The following CFAP44 variants were observed in gnomAD, a reference collection of about 807,000 sequenced individuals.
The protein encoded by CFAP44 is cilia and flagella associated protein 44, also known as cilia- and flagella-associated protein 44.
A neutral mutation model predicts 216.2 loss-of-function variants in CFAP44; 134 were observed. The observed-to-expected ratio is 0.62, with a 90% CI of 0.54 to 0.72. CFAP44 has a LOEUF of 0.72. Among genes scored for constraint, CFAP44 ranks in the 30% least tolerant of loss-of-function variants. The probability of loss-of-function intolerance (pLI) is 0.00; values close to 1 mark genes in which losing one functional copy is unlikely to be tolerated. For synonymous variants in CFAP44, 700 were observed against 727.6 expected (o/e 0.96, Z 0.61); for missense variants, 2,035 against 2,182.1 (o/e 0.93, Z 1.34).
intron 4 of CFAP44, among the ~76,000 whole-genome samples, chr3:113,425,827 T>G (rs1053331974): frequency 6.6e-6 from 1 of 152,212 alleles, no homozygotes; most frequent in African/African-American, 2.4e-5. Flanking sequence ...GAATTCAAGC[T>G]TCTTAGAATT....
intron 28 of CFAP44, among the ~76,000 whole-genome samples, chr3:113,319,833 G>C (rs1462271592): frequency 6.6e-6 from 1 of 151,722 alleles, no homozygotes; most frequent in Non-Finnish European, 1.5e-5. Context: ...GATTAACAAA[G>C]AAAAGAAAAT....
chr3:113,388,483 G>C (rs1576584851), intron 15 of CFAP44, among the ~76,000 whole-genome samples: 1 of 151,766 alleles, frequency 6.6e-6, no homozygotes, highest in East Asian at 1.9e-4. Flanking sequence ...AGAAGAAAGA[G>C]AAGACCACAA....
chr3:113,329,708 T>C (rs1005528759), intron 26 of CFAP44, among the ~76,000 whole-genome samples: 1 of 152,182 alleles, frequency 6.6e-6, no homozygotes, highest in Admixed American at 6.5e-5. Flanking sequence ...TCAAACCCAG[T>C]AATCACCATA....
At chr3:113,373,379 G>T in intron 18 of CFAP44, 32 bp downstream of exon 18, 4 of 1,492,732 alleles carry the variant, frequency 2.7e-6, no homozygotes, top group Non-Finnish European at 3.6e-6. Context: ...ACAGGATATG[G>T]TTTTTTTAAA....
Position 113,325,362 on chromosome 3 carries a change from T to C in CFAP44, c.4516+1083A>G, listed in dbSNP as rs560490585. 5.4e-4 allele frequency among the ~76,000 whole-genome samples: 82 copies of C among 151,722 alleles called. No homozygotes were observed. The Middle Eastern group carries it at 0.017, about 31-fold the overall frequency. ...GTGTAAATCTAACAAAACATGAACA[T>C]GAATTATATACTGAATACTAGTATA... is the stretch of plus-strand genomic sequence containing the variant. On this transcript the variant is annotated intron_variant, in intron 28 of 34. Transcript: ENST00000393845.
At chr3:113,414,408 T>G (rs1934583431) in intron 6 of CFAP44, among the ~76,000 whole-genome samples, 1 of 152,108 alleles carries the variant, frequency 6.6e-6, no homozygotes, top group Admixed American at 6.6e-5. Flanking sequence ...TGAATAGGAG[T>G]GGTGAGAGAG....
chr3:113,396,414 T>C, intron 14 of CFAP44, 104 bp downstream of exon 14: 1 of 1,259,634 alleles, frequency 7.9e-7, no homozygotes, highest in Non-Finnish European at 1.1e-6. Context: ...AATATATTGA[T>C]AGAAAATGAA....
chr3:113,327,722 T>C lies in CFAP44; in HGVS notation c.4214A>G (p.His1405Arg). Residue 1405 changes from histidine to arginine, a missense_variant, in exon 27 of 35, where the codon CAT (histidine) becomes CGT (arginine). His to Arg is a conservative substitution (Grantham distance 29). Transcript: ENST00000393845. The part of the protein sequence containing the change: ...DTQMKLSDLH[H>R]VTLFQEILLL... The stretch of plus-strand genomic sequence containing the variant: ...AAGTATTTCTTGAAATAAGGTGACA[T>C]GGTGCAGGTCAGATAATTTCATCTG... 5.9e-6 allele frequency: 9 copies of C among 1,537,032 alleles called. No homozygotes were observed. Among genetic ancestry groups the C allele is most frequent in the Non-Finnish European group, 7.8e-6 (9 of 1,146,732 alleles).
chr3:113,440,794 T>C (rs1935343036), intron 1 of CFAP44, among the ~76,000 whole-genome samples: 1 of 152,196 alleles, frequency 6.6e-6, no homozygotes, highest in African/African-American at 2.4e-5. Flanking sequence ...TGTAGCTTAT[T>C]GCAGCCCAGC....
At chr3:113,362,074 C>T (rs1271686604) in intron 21 of CFAP44, among the ~76,000 whole-genome samples, 1 of 151,586 alleles carries the variant, frequency 6.6e-6, no homozygotes, top group Non-Finnish European at 1.5e-5. Flanking sequence ...CATAGCTTCA[C>T]AGTCAAATCC....
intron 24 of CFAP44, among the ~76,000 whole-genome samples, chr3:113,337,124 TAAAC>T (rs1182464559): frequency 6.7e-6 from 1 of 149,994 alleles, no homozygotes; most frequent in Non-Finnish European, 1.5e-5. Flanking sequence ...GGATACTAGA[TAAAC>T]AAACAAAAAT....
chr3:113,351,758 G>A (rs910627864), intron 22 of CFAP44, among the ~76,000 whole-genome samples: 8 of 152,126 alleles, frequency 5.3e-5, no homozygotes, highest in Non-Finnish European at 7.4e-5. Flanking sequence ...TTCTGGTCCC[G>A]TGACAGCCAT....
At chr3:113,363,087 C>A (rs759820701) in intron 21 of CFAP44, 58 bp downstream of exon 21, 7 of 1,446,642 alleles carry the variant, frequency 4.8e-6, no homozygotes, top group Non-Finnish European at 5.5e-6. Context: ...GGAAAATAGT[C>A]ATCTCTATCC....
At chr3:113,308,505 C>T (rs1950007494) in intron 28 of CFAP44, among the ~76,000 whole-genome samples, 1 of 152,188 alleles carries the variant, frequency 6.6e-6, no homozygotes, top group Non-Finnish European at 1.5e-5. Flanking sequence ...ATGTTGTAGT[C>T]CACCTAAAAC....
At chr3:113,308,601 T>C (rs185882487) in intron 28 of CFAP44, among the ~76,000 whole-genome samples, 1 of 152,286 alleles carries the variant, frequency 6.6e-6, no homozygotes, top group East Asian at 1.9e-4. Flanking sequence ...TTTTTTCTTT[T>C]TTCTTTTGAG....
chr3:113,294,499 G>C (rs2107785629), intron 34 of CFAP44, 188 bp downstream of exon 34: 1 of 649,848 alleles, frequency 1.5e-6, no homozygotes, highest in Non-Finnish European at 2.4e-6. Flanking sequence ...GTTCAATAAA[G>C]CTAGTCCCTC....
At chr3:113,307,850 T>C (rs1950001180) in intron 29 of CFAP44, among the ~76,000 whole-genome samples, 1 of 152,068 alleles carries the variant, frequency 6.6e-6, no homozygotes, top group Non-Finnish European at 1.5e-5. Flanking sequence ...CGTGATGGCA[T>C]GCGCCTGTAG....
At chr3:113,352,220 T>C (rs1950452111) in intron 22 of CFAP44, among the ~76,000 whole-genome samples, 3 of 152,128 alleles carry the variant, frequency 2.0e-5, no homozygotes, top group African/African-American at 7.2e-5. Context: ...AATGGACCAA[T>C]CAGCGCTCTG....
Position 113,395,760 on chromosome 3 carries a change from G to A in CFAP44, c.1880C>T (p.Pro627Leu). Residue 627 changes from proline to leucine, a missense_variant, in exon 15 of 35, where the codon CCC becomes CTC. Physicochemically the swap from Pro to Leu is moderately conservative, Grantham distance 98 (BLOSUM62 -3). Transcript: ENST00000393845. ...ATAATAATGACTTACATGAGACATG[G>A]GAGACCACATTAACTGACACACAGG... ...PGPVCQLMWSPMSHPESTLLI... is the reference protein window; with the variant it reads ...PGPVCQLMWSLMSHPESTLLI... 6.2e-7 allele frequency: 1 copy of A among 1,609,938 alleles called. No homozygotes were observed. The highest frequency in any genetic ancestry group is 8.5e-7 in the Non-Finnish European group (1 of 1,177,824).
Sources: gnomAD v4.1 joint callset for allele counts (sites outside exome capture counted in the v4.1 genomes callset) on GRCh38, gnomAD v4.1.1 for gene constraint, MANE v1.5 for transcripts, NCBI Gene and HGNC (gene_info 2026-07-23, HGNC 2026-07-21) for gene names.